ADGRB3: variants seen among roughly 807,000 people sequenced by gnomAD.
ADGRB3 encodes brain-specific angiogenesis inhibitor 3.
Under a neutral mutation model 193.4 loss-of-function variants are expected in ADGRB3, and 37 were observed. That is an observed-to-expected ratio of 0.19 (90% confidence interval 0.15 to 0.25). The LOEUF is 0.25. ADGRB3 is among the 10% of genes least tolerant of loss of function. ADGRB3 has a pLI of 1.00. For synonymous variants in ADGRB3, 690 were observed against 644.2 expected (o/e 1.07, Z -1.08); for missense variants, 1,637 against 1,852.9 (o/e 0.88, Z 2.14).
chr6:69,227,229 T>A (rs895734538), intron 17 of ADGRB3, among the ~76,000 whole-genome samples: 8 of 152,070 alleles, frequency 5.3e-5, no homozygotes, highest in Non-Finnish European at 1.0e-4. Context: ...AATAAGGAGC[T>A]CAGAGCAGTT....
At chr6:69,183,046 TACAC>T (rs1301043571) in intron 17 of ADGRB3, among the ~76,000 whole-genome samples, 1 of 152,134 alleles carries the variant, frequency 6.6e-6, no homozygotes, top group Non-Finnish European at 1.5e-5. Flanking sequence ...TGTTACCCCT[TACAC>T]ACATTCTGCT....
chr6:69,136,585 C>T (rs982027522), intron 17 of ADGRB3, among the ~76,000 whole-genome samples: 1 of 152,018 alleles, frequency 6.6e-6, no homozygotes, highest in Admixed American at 6.6e-5. Flanking sequence ...CGATTTTCTT[C>T]TAAAAATCGC....
chr6:69,335,377 G>A (rs1768824069), intron 24 of ADGRB3, among the ~76,000 whole-genome samples: 2 of 152,060 alleles, frequency 1.3e-5, no homozygotes, highest in East Asian at 3.9e-4. Context: ...GCAAAACTGA[G>A]TGGGTGTTTT....
chr6:69,281,691 G>C (rs1767440401), intron 20 of ADGRB3, among the ~76,000 whole-genome samples: 1 of 152,156 alleles, frequency 6.6e-6, no homozygotes, highest in South Asian at 2.1e-4. Context: ...CCAAGATTCT[G>C]GAGGGATTAG....
intron 17 of ADGRB3, among the ~76,000 whole-genome samples, chr6:69,095,440 A>T (rs959478886): frequency 1.3e-5 from 2 of 152,078 alleles, no homozygotes; most frequent in South Asian, 4.1e-4. Flanking sequence ...TTATATGTGG[A>T]GGAAAGCATC....
At chr6:69,281,353 C>T (rs1767431326) in intron 20 of ADGRB3, among the ~76,000 whole-genome samples, 1 of 152,156 alleles carries the variant, frequency 6.6e-6, no homozygotes, top group African/African-American at 2.4e-5. Context: ...TGTTTCTACT[C>T]ATTTTCCAGG....
chr6:69,045,179 T>C (rs1771201626), intron 13 of ADGRB3, among the ~76,000 whole-genome samples: 1 of 152,126 alleles, frequency 6.6e-6, no homozygotes, highest in East Asian at 1.9e-4. Flanking sequence ...GGAAAGGGAT[T>C]GAAGGTCGGA....
chr6:68,987,693 G>A (rs1769119391), intron 10 of ADGRB3, among the ~76,000 whole-genome samples: 2 of 152,092 alleles, frequency 1.3e-5, no homozygotes, highest in Admixed American at 6.6e-5. Flanking sequence ...ATGCAATCCT[G>A]GAGAATGCAG....
intron 17 of ADGRB3, among the ~76,000 whole-genome samples, chr6:69,193,583 C>T (rs1765240193): frequency 6.6e-6 from 1 of 152,014 alleles, no homozygotes; most frequent in South Asian, 2.1e-4. Flanking sequence ...GACACTATAA[C>T]ACCATATTAA....
At chr6:69,266,961 C>G (rs1167714462) in intron 20 of ADGRB3, among the ~76,000 whole-genome samples, 2 of 152,024 alleles carry the variant, frequency 1.3e-5, no homozygotes, top group Non-Finnish European at 1.5e-5. Context: ...TCCGCAGTGT[C>G]CTTGCAGAAG....
At chr6:68,891,210 A>G (rs192020414) in intron 3 of ADGRB3, among the ~76,000 whole-genome samples, 3 of 152,256 alleles carry the variant, frequency 2.0e-5, no homozygotes, top group East Asian at 3.9e-4. Flanking sequence ...AGCACGGGAA[A>G]GCCCAGTCTC....
chr6:69,299,844 A>C (rs1767911929), intron 20 of ADGRB3, among the ~76,000 whole-genome samples: 1 of 151,786 alleles, frequency 6.6e-6, no homozygotes, highest in African/African-American at 2.4e-5. Flanking sequence ...CTTTTTGTTC[A>C]GATTTTTTTT....
rs770796385 is a variant in ADGRB3, at chr6:68,956,121, C to G, written c.1293C>G (p.Ala431=). 3 of 1,613,792 alleles carry G rather than the reference C, an allele frequency of 1.9e-6. No individual in the cohort carries two copies. The highest frequency in any genetic ancestry group is 3.3e-4 in the Middle Eastern group (2 of 6,048). The change falls in exon 7 of 32, where the codon GCC becomes GCG. Residue 431 remains alanine, a synonymous_variant. Coordinates refer to ENST00000370598, the MANE Select transcript of ADGRB3 (RefSeq NM_001704.3). ...QQRSRQCTAA[A]HGGSECRGPW... ...GAAGCCGGCAGTGCACTGCAGCTGC[C>G]CATGGAGGCTCCGAATGCAGAGGGC...
At chr6:68,787,527 T>C (rs914925722) in intron 3 of ADGRB3, among the ~76,000 whole-genome samples, 6 of 152,212 alleles carry the variant, frequency 3.9e-5, no homozygotes, top group Non-Finnish European at 7.3e-5. Flanking sequence ...GTGGATAAGC[T>C]TTTTGATGTG....
chr6:69,372,109 C>A (rs1191959810), intron 29 of ADGRB3, among the ~76,000 whole-genome samples: 1 of 151,978 alleles, frequency 6.6e-6, no homozygotes, highest in Non-Finnish European at 1.5e-5. Context: ...TTCATAGGAA[C>A]ATTTTCTCCT....
chr6:68,717,313 G>A (rs1050626295), intron 3 of ADGRB3, among the ~76,000 whole-genome samples: 1 of 151,602 alleles, frequency 6.6e-6, no homozygotes, highest in Middle Eastern at 3.2e-3. Flanking sequence ...TAGAGCCACA[G>A]TTATAGATGC....
At chr6:69,197,928 C>A (rs1268583945) in intron 17 of ADGRB3, among the ~76,000 whole-genome samples, 1 of 152,000 alleles carries the variant, frequency 6.6e-6, no homozygotes, top group Non-Finnish European at 1.5e-5. Flanking sequence ...TTACTTAATT[C>A]AAGACTTACC....
At chr6:69,144,875 T>TTTTCTTTCTTTCTTTC (rs1774438006) in intron 17 of ADGRB3, among the ~76,000 whole-genome samples, 1 of 39,058 alleles carries the variant, frequency 2.6e-5, no homozygotes, top group Non-Finnish European at 6.2e-5. Context: ...TTTGTTTGAG[T>TTTTCTTTCTTTCTTTC]GTTCTTTCTT....
chr6:69,360,210 G>A (rs184914589), intron 28 of ADGRB3, among the ~76,000 whole-genome samples: 46 of 151,758 alleles, frequency 3.0e-4, no homozygotes, highest in Admixed American at 1.3e-3. Context: ...TAATATTCCC[G>A]CAAGGGCATT....
Sources: allele counts gnomAD v4.1 joint callset (sites outside exome capture counted in the v4.1 genomes callset), GRCh38; gene constraint gnomAD v4.1.1; transcripts MANE v1.5; gene names NCBI Gene and HGNC (gene_info 2026-07-23, HGNC 2026-07-21).